The following SPRED2 variants were observed in gnomAD, a reference collection of about 807,000 sequenced individuals.
SPRED2 encodes sprouty related EVH1 domain containing 2.
Under a neutral mutation model 43.0 loss-of-function variants are expected in SPRED2, and 47 were observed. That is an observed-to-expected ratio of 1.09 (90% CI 0.87 to 1.40). The LOEUF is 1.40. Among genes scored for constraint, SPRED2 ranks in the 40% most tolerant of loss-of-function variants. SPRED2 has a pLI of 0.00. For synonymous variants in SPRED2, 225 were observed against 225.7 expected (o/e 1.00, Z 0.03); for missense variants, 561 against 586.4 (o/e 0.96, Z 0.45).
At chr2:65,323,804 A>AGGAAGGTG (rs1286856223) in intron 4 of SPRED2, among the ~76,000 whole-genome samples, 1 of 152,034 alleles carries the variant, frequency 6.6e-6, no homozygotes, top group African/African-American at 2.4e-5. Context: ...TGAACGTGGG[A>AGGAAGGTG]GGAAGAGGTT....
downstream of SPRED2, among the ~76,000 whole-genome samples, chr2:65,310,589 G>A (rs1673042882): frequency 6.6e-6 from 1 of 152,064 alleles, no homozygotes; most frequent in Admixed American, 6.6e-5. Context: ...CGTTGGGGAA[G>A]CCAGGCCTAG....
At chr2:65,335,161 T>C (rs572767262) in intron 2 of SPRED2, among the ~76,000 whole-genome samples, 3 of 152,194 alleles carry the variant, frequency 2.0e-5, no homozygotes, top group Non-Finnish European at 4.4e-5. Context: ...TTCCAAAAGT[T>C]GAAAAATTAA....
intron 1 of SPRED2, among the ~76,000 whole-genome samples, chr2:65,393,681 A>G (rs1675690810): frequency 6.6e-6 from 1 of 152,110 alleles, no homozygotes; most frequent in Non-Finnish European, 1.5e-5. Context: ...GGTCATTATA[A>G]AGCGATTTAC....
At chr2:65,328,298 G>C (rs57485869) in intron 4 of SPRED2, among the ~76,000 whole-genome samples, 7,526 of 152,178 alleles carry the variant, frequency 0.049, 673 homozygotes, top group African/African-American at 0.17. Context: ...ACATCGTTTA[G>C]GCAGCTTTTC....
chr2:65,329,134 G>T (rs1300962713), intron 4 of SPRED2, among the ~76,000 whole-genome samples: 1 of 152,176 alleles, frequency 6.6e-6, no homozygotes, highest in Non-Finnish European at 1.5e-5. Flanking sequence ...AGACACAACT[G>T]CGCTGAGTTC....
chr2:65,320,534 G>A (rs1450382397), intron 4 of SPRED2, among the ~76,000 whole-genome samples: 1 of 152,166 alleles, frequency 6.6e-6, no homozygotes, highest in East Asian at 1.9e-4. Context: ...CTTATCTGAT[G>A]ACGAATTTCT....
intron 1 of SPRED2, among the ~76,000 whole-genome samples, chr2:65,355,309 G>T (rs1028789836): frequency 6.6e-6 from 1 of 152,146 alleles, no homozygotes; most frequent in South Asian, 2.1e-4. Context: ...ATTATGGGAA[G>T]ATTTTACTGT....
At position 65,432,046 on chromosome 2, in the gene SPRED2, T is replaced by G. The variant is rs1197081408; in HGVS notation, c.-59A>C. 6.2e-7 allele frequency: 1 copy of G among 1,608,362 alleles called. No individual in the cohort carries two copies. Among genetic ancestry groups the G allele is most frequent in the African/African-American group, 1.3e-5 (1 of 74,818 alleles). ...GGCAGCTTTGCTCCCTTCATCTTCC[T>G]GTCCGCTCGCCCCCCTTCTTCACAT... On this transcript the variant is annotated 5_prime_UTR_variant, in exon 1 of 6. Transcript: ENST00000356388.
intron 2 of SPRED2, among the ~76,000 whole-genome samples, chr2:65,338,167 C>A (rs1336382234): frequency 3.7e-5 from 3 of 82,136 alleles, no homozygotes; most frequent in Non-Finnish European, 7.8e-5. Context: ...GTCTCCCTCT[C>A]CCGTCTCCCG....
intron 1 of SPRED2, among the ~76,000 whole-genome samples, chr2:65,349,842 T>G (rs1674459128): frequency 6.6e-6 from 1 of 152,180 alleles, no homozygotes. Context: ...GGTATAGACT[T>G]CTCTGTGATG....
At chr2:65,397,573 G>C (rs923995120) in intron 1 of SPRED2, among the ~76,000 whole-genome samples, 2 of 150,208 alleles carry the variant, frequency 1.3e-5, no homozygotes, top group African/African-American at 4.9e-5. Context: ...GTCCCAACCT[G>C]ACCCTTCACA....
chr2:65,371,744 G>A (rs1675129403), intron 1 of SPRED2, among the ~76,000 whole-genome samples: 1 of 151,646 alleles, frequency 6.6e-6, no homozygotes, highest in Non-Finnish European at 1.5e-5. Flanking sequence ...CAGATGAAAT[G>A]CATATGGGCT....
intron 1 of SPRED2, among the ~76,000 whole-genome samples, chr2:65,424,120 A>G (rs967533350): frequency 6.6e-6 from 1 of 152,036 alleles, no homozygotes; most frequent in Non-Finnish European, 1.5e-5. Flanking sequence ...TATTAGGTAT[A>G]CAGCAGAATG....
At chr2:65,337,129 T>G (rs1279471862) in intron 2 of SPRED2, among the ~76,000 whole-genome samples, 1 of 151,826 alleles carries the variant, frequency 6.6e-6, no homozygotes, top group Non-Finnish European at 1.5e-5. Context: ...AAAGTTTGAG[T>G]AAAATAAGTT....
intron 1 of SPRED2, among the ~76,000 whole-genome samples, chr2:65,379,528 G>A (rs1321853997): frequency 6.6e-6 from 1 of 152,172 alleles, no homozygotes; most frequent in Admixed American, 6.5e-5. Flanking sequence ...ATAGATTCTG[G>A]TGTCATTCTC....
downstream of SPRED2, among the ~76,000 whole-genome samples, chr2:65,307,342 T>G (rs1243279764): frequency 6.6e-6 from 1 of 152,040 alleles, no homozygotes; most frequent in African/African-American, 2.4e-5. Context: ...ATTACAGGCA[T>G]GCGCCACCAC....
At chr2:65,369,258 T>TACATAC (rs1438774015) in intron 1 of SPRED2, among the ~76,000 whole-genome samples, 1 of 139,510 alleles carries the variant, frequency 7.2e-6, no homozygotes, top group South Asian at 2.7e-4. Context: ...GGGAGACACA[T>TACATAC]ACATACACAT....
intron 4 of SPRED2, among the ~76,000 whole-genome samples, chr2:65,330,495 T>G (rs1333996643): frequency 2.0e-5 from 3 of 152,256 alleles, no homozygotes; most frequent in Admixed American, 2.0e-4. Context: ...TTGGAGCAGT[T>G]TTAGTTTCAC....
At chr2:65,339,017 G>C (rs13014929) in intron 2 of SPRED2, among the ~76,000 whole-genome samples, 30,729 of 116,996 alleles carry the variant, frequency 0.26, 3,123 homozygotes, top group African/African-American at 0.41. Flanking sequence ...AGCCCCTCTG[G>C]CCGGCCAGCC....
Sources: allele counts gnomAD v4.1 joint callset (sites outside exome capture counted in the v4.1 genomes callset), GRCh38; gene constraint gnomAD v4.1.1; transcripts MANE v1.5; gene names NCBI Gene and HGNC (gene_info 2026-07-23, HGNC 2026-07-21).